Variants in LYN observed in about 807,000 individuals in gnomAD.
LYN encodes the protein tyrosine-protein kinase Lyn.
LYN carries 12 observed loss-of-function variants against 65.0 expected under a neutral mutation model. The ratio of observed to expected loss-of-function variants is 0.18; its 90% CI spans 0.12 to 0.30. LYN has a LOEUF of 0.30. Ranked by LOEUF, LYN falls within the 10% of genes least tolerant of loss-of-function variation. The pLI is 1.00. For synonymous variants in LYN, 222 were observed against 221.2 expected (o/e 1.00, Z -0.03); for missense variants, 380 against 623.2 (o/e 0.61, Z 4.16).
intron 1 of LYN, among the ~76,000 whole-genome samples, chr8:55,936,926 C>T (rs1372281777): frequency 1.3e-5 from 2 of 152,206 alleles, no homozygotes; most frequent in Non-Finnish European, 2.9e-5. Flanking sequence ...TTTCCTCATA[C>T]ACAAAGTACC....
intron 10 of LYN, 78 bp from the exon 11 acceptor site, chr8:55,998,266 TAA>T: frequency 8.9e-7 from 1 of 1,121,738 alleles, no homozygotes; most frequent in South Asian, 1.4e-5. Context: ...CAGGAATTCA[TAA>T]GTTTTCCGGT....
At chr8:55,914,508 T>A (rs975735308) in intron 1 of LYN, among the ~76,000 whole-genome samples, 1 of 152,082 alleles carries the variant, frequency 6.6e-6, no homozygotes, top group Non-Finnish European at 1.5e-5. Flanking sequence ...TCAAGCCAGG[T>A]CAGCTGCTGG....
At chr8:55,889,738 A>G (rs2130358966) in intron 1 of LYN, among the ~76,000 whole-genome samples, 1 of 152,284 alleles carries the variant, frequency 6.6e-6, no homozygotes, top group South Asian at 2.1e-4. Context: ...TGAATGGTCA[A>G]AAGTAAGGCA....
chr8:55,896,149 C>A (rs897997818), intron 1 of LYN, among the ~76,000 whole-genome samples: 14 of 151,482 alleles, frequency 9.2e-5, no homozygotes, highest in Non-Finnish European at 1.5e-4. Flanking sequence ...ATGCCCCTGT[C>A]ATCCTAGCTG....
intron 8 of LYN, among the ~76,000 whole-genome samples, chr8:55,960,597 C>G (rs547289443): frequency 6.6e-6 from 1 of 152,184 alleles, no homozygotes; most frequent in African/African-American, 2.4e-5. Flanking sequence ...AGGATACTCC[C>G]TCTCCCAATT....
intron 10 of LYN, among the ~76,000 whole-genome samples, chr8:55,979,584 A>G (rs1807860276): frequency 6.6e-6 from 1 of 152,178 alleles, no homozygotes; most frequent in Admixed American, 6.5e-5. Flanking sequence ...AGTCACCAAA[A>G]GTAGCCCTTG....
chr8:55,909,545 T>C (rs192834053), intron 1 of LYN, among the ~76,000 whole-genome samples: 3 of 152,366 alleles, frequency 2.0e-5, no homozygotes, highest in Non-Finnish European at 4.4e-5. Flanking sequence ...CTATTCTGAA[T>C]AGTGCTCCAA....
At chr8:55,943,811 G>A (rs936385214) in intron 2 of LYN, among the ~76,000 whole-genome samples, 2 of 152,108 alleles carry the variant, frequency 1.3e-5, no homozygotes, top group Admixed American at 6.6e-5. Context: ...GGCCAGGCAC[G>A]GTGGCTCATG....
At chr8:55,936,035 C>T (rs1223503499) in intron 1 of LYN, among the ~76,000 whole-genome samples, 2 of 152,046 alleles carry the variant, frequency 1.3e-5, no homozygotes, top group African/African-American at 4.8e-5. Flanking sequence ...GTAAGAAGGA[C>T]AATTAAAGGG....
chr8:55,948,881 C>T (rs1806858871), intron 4 of LYN, among the ~76,000 whole-genome samples: 1 of 152,216 alleles, frequency 6.6e-6, no homozygotes, highest in Admixed American at 6.5e-5. Flanking sequence ...TGTGTTTAAA[C>T]ATGACATAAG....
At chr8:55,995,340 T>C (rs1808346609) in intron 10 of LYN, among the ~76,000 whole-genome samples, 1 of 152,194 alleles carries the variant, frequency 6.6e-6, no homozygotes, top group Non-Finnish European at 1.5e-5. Context: ...ATCTCCCCAG[T>C]GCTCAGGGTT....
chr8:55,903,333 G>A (rs1805331363), intron 1 of LYN, among the ~76,000 whole-genome samples: 1 of 152,202 alleles, frequency 6.6e-6, no homozygotes, highest in Admixed American at 6.5e-5. Context: ...ATGGTGAGCA[G>A]CTCTTCTTTG....
chr8:55,982,104 T>A (rs1006136615), intron 10 of LYN, among the ~76,000 whole-genome samples: 1 of 152,166 alleles, frequency 6.6e-6, no homozygotes, highest in Non-Finnish European at 1.5e-5. Flanking sequence ...GGTGATGGGC[T>A]GGCGGATTCT....
intron 1 of LYN, among the ~76,000 whole-genome samples, chr8:55,887,131 T>C (rs1021888113): frequency 1.3e-4 from 20 of 152,242 alleles, no homozygotes; most frequent in African/African-American, 4.8e-4. Context: ...TTACAGTTAC[T>C]AATATGAAAA....
In LYN at chr8:56,012,205, C is replaced by T. The variant is rs58096764; in HGVS notation, c.*2095C>T. The T allele has an allele frequency of 0.13, 23,171 of 182,712 alleles. 3,477 individuals carry two copies. The highest frequency in any genetic ancestry group is 0.39 in the African/African-American group (16,664 of 42,434). The allele number at this position is 182,712 out of a possible 1,614,324, so 11.3% of individuals were successfully genotyped here. A position where few individuals can be genotyped will look rare whatever the true frequency, so the allele number is the denominator to read the frequency against. On this transcript the variant is annotated 3_prime_UTR_variant, in exon 13 of 13. Transcript: ENST00000519728. ...CTTGATGAACAGCACACACAGTCTCCTTACTTAGCTATAGGTTTCCAGCCT... is the reference window on the plus strand; with the variant it reads ...CTTGATGAACAGCACACACAGTCTCTTTACTTAGCTATAGGTTTCCAGCCT...
At chr8:55,961,500 C>T (rs749325587) in intron 8 of LYN, among the ~76,000 whole-genome samples, 27 of 152,270 alleles carry the variant, frequency 1.8e-4, no homozygotes, top group Non-Finnish European at 1.8e-4. Context: ...CATCTGGGAG[C>T]TGCCGCCATT....
intron 1 of LYN, among the ~76,000 whole-genome samples, chr8:55,938,188 G>T (rs1481921520): frequency 6.6e-6 from 1 of 152,132 alleles, no homozygotes; most frequent in Non-Finnish European, 1.5e-5. Context: ...TTTCTGGATG[G>T]GTCAGTGGGT....
At chr8:55,976,754 G>C (rs903094102) in intron 10 of LYN, among the ~76,000 whole-genome samples, 2 of 152,168 alleles carry the variant, frequency 1.3e-5, no homozygotes. Flanking sequence ...TGCTAGCTTG[G>C]GAAGGGGTGT....
chr8:55,941,904 T>C lies in LYN; in HGVS notation c.45T>C (p.Asp15=), dbSNP rs973146265. The change falls in exon 2 of 13, where the codon GAT becomes GAC. Residue 15 remains aspartate, a synonymous_variant. Coordinates refer to ENST00000519728, the MANE Select transcript of LYN (RefSeq NM_002350.4). ...AAGGGAAAGACAGCTTGAGTGACGATGGAGTAGATTTGAAGACTCAACCAG... is the reference window on the plus strand; with the variant it reads ...AAGGGAAAGACAGCTTGAGTGACGACGGAGTAGATTTGAAGACTCAACCAG... ...KSKGKDSLSD[D]GVDLKTQPVR... 6.2e-7 allele frequency: 1 copy of C among 1,612,610 alleles called. No homozygotes were observed. Among genetic ancestry groups the C allele is most frequent in the Non-Finnish European group, 8.5e-7 (1 of 1,178,850 alleles).
Sources: allele counts gnomAD v4.1 joint callset (sites outside exome capture counted in the v4.1 genomes callset), GRCh38; gene constraint gnomAD v4.1.1; transcripts MANE v1.5; gene names NCBI Gene and HGNC (gene_info 2026-07-23, HGNC 2026-07-21).